Variants in GPC3 observed in about 807,000 individuals in gnomAD.
GPC3 encodes glypican 3.
Under a neutral mutation model 34.4 loss-of-function variants are expected in GPC3, and 3 were observed. That is an observed-to-expected ratio of 0.09 (90% CI 0.04 to 0.23). The LOEUF (loss-of-function observed/expected upper bound fraction) is 0.23. GPC3 is among the 10% of genes least tolerant of loss of function. GPC3 has a pLI of 1.00. For synonymous variants in GPC3, 177 were observed against 174.0 expected (o/e 1.02, Z -0.13); for missense variants, 351 against 445.6 (o/e 0.79, Z 1.91).
chrX:133,753,270 C>G (rs2071684058), intron 3 of GPC3, among the ~76,000 whole-genome samples: 1 of 111,761 alleles, frequency 8.9e-6, no homozygotes, highest in Admixed American at 9.5e-5. Context: ...GACTTCCCAA[C>G]ATCGCACAGT....
chrX:133,883,849 T>C (rs763144060), intron 2 of GPC3, among the ~76,000 whole-genome samples: 81 of 112,426 alleles, frequency 7.2e-4, no homozygotes, highest in Admixed American at 2.5e-3. Flanking sequence ...CTGCTTTAGA[T>C]ATGTGTTGCA....
chrX:133,796,941 G>C (rs1465201546), intron 2 of GPC3, among the ~76,000 whole-genome samples: 1 of 111,266 alleles, frequency 9.0e-6, no homozygotes, highest in Non-Finnish European at 1.9e-5. Context: ...TCAGCATCAA[G>C]TCACCCCTCA....
chrX:133,892,274 C>T (rs999486923), intron 2 of GPC3, among the ~76,000 whole-genome samples: 2 of 111,747 alleles, frequency 1.8e-5, no homozygotes, highest in African/African-American at 6.5e-5. Context: ...CCAAAACTAT[C>T]GACAAACCCT....
intron 2 of GPC3, among the ~76,000 whole-genome samples, chrX:133,944,132 A>G (rs187356379): frequency 5.0e-4 from 55 of 110,640 alleles, no homozygotes; most frequent in Non-Finnish European, 5.7e-5. Context: ...ATTTACTGAA[A>G]GTTTACTGTC....
At chrX:133,563,140 A>C (rs1225754923) in intron 7 of GPC3, among the ~76,000 whole-genome samples, 2 of 111,372 alleles carry the variant, frequency 1.8e-5, no homozygotes, top group Non-Finnish European at 3.8e-5. Context: ...GGAACCAATA[A>C]ATGAAGCTGG....
intron 3 of GPC3, among the ~76,000 whole-genome samples, chrX:133,725,473 T>C (rs1474924255): frequency 8.9e-6 from 1 of 112,662 alleles, no homozygotes; most frequent in Non-Finnish European, 1.9e-5. Context: ...ACAATTATGC[T>C]GTTTCCACAG....
chrX:133,758,032 TA>T (rs1437711758), intron 2 of GPC3, among the ~76,000 whole-genome samples: 1 of 111,529 alleles, frequency 9.0e-6, no homozygotes, highest in Non-Finnish European at 1.9e-5. Context: ...TGGCAATTAT[TA>T]AAAAGTCAAG....
At chrX:133,933,772 C>T (rs1408103479) in intron 2 of GPC3, among the ~76,000 whole-genome samples, 1 of 110,516 alleles carries the variant, frequency 9.0e-6, no homozygotes, top group Non-Finnish European at 1.9e-5. Context: ...TGAGTAAAAG[C>T]TTCCTGAGGC....
chrX:133,673,838 G>A (rs1382873002), intron 5 of GPC3, among the ~76,000 whole-genome samples: 4 of 112,477 alleles, frequency 3.6e-5, no homozygotes, highest in African/African-American at 3.2e-5. Flanking sequence ...CACATAGAAA[G>A]TTCTATATGA....
chrX:133,711,825 T>C (rs1336869649), intron 3 of GPC3, among the ~76,000 whole-genome samples: 1 of 111,902 alleles, frequency 8.9e-6, no homozygotes, highest in Non-Finnish European at 1.9e-5. Flanking sequence ...GAGTTTACCT[T>C]ATACCCAGAA....
intron 6 of GPC3, among the ~76,000 whole-genome samples, chrX:133,651,214 C>T (rs1430190747): frequency 6.4e-5 from 7 of 108,585 alleles, no homozygotes; most frequent in Admixed American, 3.9e-4. Flanking sequence ...GACAGAGTCT[C>T]GCTCTGTCGC....
At chrX:133,849,490 C>T (rs1303475423) in intron 2 of GPC3, among the ~76,000 whole-genome samples, 1 of 111,715 alleles carries the variant, frequency 9.0e-6, no homozygotes, top group Non-Finnish European at 1.9e-5. Flanking sequence ...ACCATAATAT[C>T]AGTATTCAGC....
At chrX:133,748,948 A>G (rs2071634184) in intron 3 of GPC3, among the ~76,000 whole-genome samples, 1 of 111,792 alleles carries the variant, frequency 8.9e-6, no homozygotes, top group Non-Finnish European at 1.9e-5. Flanking sequence ...CATCAGAATC[A>G]ACTGGGACAT....
At chrX:133,826,563 A>C (rs1029609287) in intron 2 of GPC3, among the ~76,000 whole-genome samples, 8 of 111,363 alleles carry the variant, frequency 7.2e-5, no homozygotes, top group African/African-American at 2.6e-4. Context: ...CATCAAGCAT[A>C]CCAACAAAAA....
chrX:133,771,508 C>T (rs1407077024), intron 2 of GPC3, among the ~76,000 whole-genome samples: 1 of 112,164 alleles, frequency 8.9e-6, no homozygotes, highest in Admixed American at 9.5e-5. Flanking sequence ...GCTGACCTCA[C>T]TAGCCTGACC....
chrX:133,591,935 C>T (rs1445731775), intron 7 of GPC3, among the ~76,000 whole-genome samples: 1 of 111,514 alleles, frequency 9.0e-6, no homozygotes, highest in Admixed American at 9.5e-5. Flanking sequence ...TAGATGACCA[C>T]AACTTTTCCA....
At chrX:133,679,593 G>A (rs763128859) in intron 5 of GPC3, among the ~76,000 whole-genome samples, 2 of 111,138 alleles carry the variant, frequency 1.8e-5, no homozygotes, top group East Asian at 5.7e-4. Flanking sequence ...TCTATGGCAG[G>A]CACAGCTAAG....
At chrX:133,984,009 C>T (rs1361018272) in intron 1 of GPC3, among the ~76,000 whole-genome samples, 1 of 113,229 alleles carries the variant, frequency 8.8e-6, no homozygotes, top group African/African-American at 3.2e-5. Flanking sequence ...GCTGAGGGCG[C>T]GCTGGCTGCC....
chrX:133,874,114 G>A (rs1286774778), intron 2 of GPC3, among the ~76,000 whole-genome samples: 3 of 111,697 alleles, frequency 2.7e-5, no homozygotes, highest in African/African-American at 9.7e-5. Flanking sequence ...GTAAGTCTAA[G>A]TCAGTTAAGG....
Sources: allele counts gnomAD v4.1 joint callset (sites outside exome capture counted in the v4.1 genomes callset), GRCh38; gene constraint gnomAD v4.1.1; transcripts MANE v1.5; gene names NCBI Gene and HGNC (gene_info 2026-07-23, HGNC 2026-07-21).